The following TDRD9 variants were observed in gnomAD, a reference collection of about 807,000 sequenced individuals.
TDRD9 encodes ATP-dependent RNA helicase TDRD9.
In TDRD9, 124 loss-of-function variants were observed where a neutral mutation model predicts 172.6. That is an observed-to-expected ratio of 0.72 (90% CI 0.62 to 0.83). The LOEUF is 0.83. TDRD9 is among the 40% of genes least tolerant of loss of function. TDRD9 has a pLI of 0.00. For synonymous variants in TDRD9, 619 were observed against 617.1 expected (o/e 1.00, Z -0.05); for missense variants, 1,479 against 1,714.1 (o/e 0.86, Z 2.42).
intron 19 of TDRD9, among the ~76,000 whole-genome samples, chr14:104,007,433 C>CT (rs1444980011): frequency 6.6e-6 from 1 of 152,200 alleles, no homozygotes. Flanking sequence ...CAGGCCTGTG[C>CT]TGGAGCTGTG....
In TDRD9 at chr14:104,008,025, C is replaced by T. The variant is rs368674068; in HGVS notation, c.2053-388C>T. On this transcript the variant is annotated intron_variant, in intron 19 of 35. Transcript: ENST00000409874. ...CGATCTCCTGACCTTGTGATCTGCCCGCCTCGGCCTCCCAAAGTGGTGGGA... is the reference window on the plus strand; with the variant it reads ...CGATCTCCTGACCTTGTGATCTGCCTGCCTCGGCCTCCCAAAGTGGTGGGA... Among the ~76,000 whole-genome samples the T allele has an allele frequency of 2.0e-4, 30 of 152,254 alleles. No individual in the cohort carries two copies. In the East Asian group the frequency reaches 4.2e-3, roughly 22 times the overall value.
chr14:103,959,532 A>C (rs530453804), intron 2 of TDRD9, among the ~76,000 whole-genome samples: 4 of 150,964 alleles, frequency 2.6e-5, no homozygotes, highest in African/African-American at 7.3e-5. Flanking sequence ...TTCTATGTCT[A>C]TTTCTATTAA....
chr14:104,017,383 T>C (rs1489613272), intron 22 of TDRD9, among the ~76,000 whole-genome samples: 1 of 152,254 alleles, frequency 6.6e-6, no homozygotes, highest in Non-Finnish European at 1.5e-5. Context: ...AGTTGGGGAT[T>C]TCTCATGTCA....
chr14:103,959,365 TG>T (rs2032390637), intron 2 of TDRD9, among the ~76,000 whole-genome samples: 1 of 152,094 alleles, frequency 6.6e-6, no homozygotes, highest in South Asian at 2.1e-4. Flanking sequence ...CCTGAATAGC[TG>T]GGACTGTAAA....
chr14:104,024,750 AC>A, intron 25 of TDRD9, 70 bp downstream of exon 25: 1 of 1,700 alleles, frequency 5.9e-4, no homozygotes, highest in Non-Finnish European at 1.6e-3. Flanking sequence ...CAGGAAGTTT[AC>A]ACACACACAC....
At position 104,023,184 on chromosome 14, in the gene TDRD9, C is replaced by CAAAAAA. The variant is rs10661391; in HGVS notation, c.2606+879_2606+884dup. ...TGGGCGACAGAGCGAGACTCCGTCT[C>CAAAAAA]AAAAAAAAAAAAAAAAAAAAAAAAA... On this transcript the variant is annotated intron_variant, in intron 24 of 35. Transcript: ENST00000409874. 2.7e-3 allele frequency among the ~76,000 whole-genome samples: 174 copies of CAAAAAA among 64,456 alleles called. 14 individuals carry two copies. Among genetic ancestry groups the CAAAAAA allele is most frequent in the East Asian group, 7.2e-3 (12 of 1,658 alleles). The allele number at this position is 64,456 out of a possible 152,430, so 42.3% of individuals were successfully genotyped here.
rs2034189533 is a variant in TDRD9 at position 103,999,647 on chromosome 14, CCTTTTGGGAAGG to C, written c.1483+920_1483+931del. On this transcript the variant is annotated intron_variant, in intron 13 of 35. Coordinates refer to ENST00000409874, the MANE Select transcript of TDRD9 (RefSeq NM_153046.3). ...TTTTTTTTGTTTGTTTTTTAGAAAA[CCTTTTGGGAAGG>C]GTAGATAAAAGACCATTTCAAGAAT... 3.3e-4 allele frequency among the ~76,000 whole-genome samples: 38 copies of C among 115,636 alleles called. 8 individuals carry two copies. Among genetic ancestry groups the C allele is most frequent in the East Asian group, 1.0e-3 (4 of 3,978 alleles). 75.9% of individuals were successfully genotyped at this position (115,636 alleles called of 152,430 possible).
intron 1 of TDRD9, among the ~76,000 whole-genome samples, chr14:103,947,293 T>G (rs796349166): frequency 9.9e-5 from 15 of 152,142 alleles, no homozygotes; most frequent in East Asian, 5.8e-4. Flanking sequence ...AGTTTGTTTT[T>G]TTTGTTTGTT....
chr14:104,022,765 A>AAATAAATAAAT (rs2035002059), intron 24 of TDRD9, among the ~76,000 whole-genome samples: 2 of 102,560 alleles, frequency 2.0e-5, no homozygotes. Context: ...AATAAATAAA[A>AAATAAATAAAT]AAGCACTGGC....
intron 1 of TDRD9, among the ~76,000 whole-genome samples, chr14:103,930,340 A>G (rs2030298236): frequency 6.6e-6 from 1 of 152,070 alleles, no homozygotes; most frequent in African/African-American, 2.4e-5. Flanking sequence ...GGCGTGTGCC[A>G]CCACGCCCAG....
chr14:103,957,323 C>T (rs936025244), intron 2 of TDRD9, among the ~76,000 whole-genome samples: 8 of 152,206 alleles, frequency 5.3e-5, no homozygotes, highest in African/African-American at 1.9e-4. Flanking sequence ...CTGATGTCTC[C>T]TTGCTATTTC....
intron 1 of TDRD9, chr14:103,940,406 G>A (rs988443338): frequency 1.0e-4 from 16 of 156,704 alleles, no homozygotes; most frequent in African/African-American, 3.6e-4. Context: ...TCTCATTTCT[G>A]TTATGTTGTA....
intron 5 of TDRD9, among the ~76,000 whole-genome samples, chr14:103,967,861 A>G (rs990163248): frequency 6.6e-6 from 1 of 152,226 alleles, no homozygotes; most frequent in African/African-American, 2.4e-5. Context: ...TAATATGCCA[A>G]AAGATGGCAT....
intron 1 of TDRD9, among the ~76,000 whole-genome samples, chr14:103,933,823 G>A (rs889896932): frequency 1.3e-5 from 2 of 152,198 alleles, no homozygotes; most frequent in Non-Finnish European, 2.9e-5. Flanking sequence ...TCTGACAGAT[G>A]GGGGAAGTTA....
chr14:104,019,910 C>G (rs1376706726), intron 23 of TDRD9, among the ~76,000 whole-genome samples: 1 of 152,170 alleles, frequency 6.6e-6, no homozygotes, highest in Non-Finnish European at 1.5e-5. Flanking sequence ...TTTGAGACTT[C>G]CTCGGGTAGA....
chr14:103,929,172 G>A (rs1438838120), intron 1 of TDRD9, among the ~76,000 whole-genome samples: 2 of 152,030 alleles, frequency 1.3e-5, no homozygotes, highest in African/African-American at 4.8e-5. Flanking sequence ...CGTTCTGTGG[G>A]TTTGGACAAA....
intron 3 of TDRD9, among the ~76,000 whole-genome samples, chr14:103,963,398 T>C (rs1241469891): frequency 1.3e-5 from 2 of 152,260 alleles, no homozygotes; most frequent in African/African-American, 4.8e-5. Context: ...CTTTAATTTC[T>C]TTAGTCTTCG....
chr14:104,005,095 C>T, intron 14 of TDRD9, 179 bp from the exon 15 acceptor site: 1 of 504,302 alleles, frequency 2.0e-6, no homozygotes, highest in Non-Finnish European at 3.4e-6. Flanking sequence ...ATCTCTTTCT[C>T]TCCTGTTCTT....
intron 9 of TDRD9, among the ~76,000 whole-genome samples, chr14:103,993,429 T>C (rs2033946164): frequency 6.6e-6 from 1 of 152,222 alleles, no homozygotes; most frequent in African/African-American, 2.4e-5. Flanking sequence ...ATTGATCTTT[T>C]GTGAACAGTT....
Sources: gnomAD v4.1 joint callset for allele counts (sites outside exome capture counted in the v4.1 genomes callset) on GRCh38, gnomAD v4.1.1 for gene constraint, MANE v1.5 for transcripts, NCBI Gene and HGNC (gene_info 2026-07-23, HGNC 2026-07-21) for gene names.